The following SORD variants were observed in gnomAD, a reference collection of about 807,000 sequenced individuals.
SORD encodes sorbitol dehydrogenase, also known as (R,R)-butanediol dehydrogenase.
SORD carries 18 observed loss-of-function variants against 35.6 expected under a neutral mutation model. That is an observed-to-expected ratio of 0.51 (90% CI 0.35 to 0.75). SORD has a LOEUF of 0.75. Ranked by LOEUF, SORD falls within the 30% of genes least tolerant of loss-of-function variation. The probability of loss-of-function intolerance (pLI) is 0.01; values close to 1 mark genes in which losing one functional copy is unlikely to be tolerated. For missense variants in SORD, 250 were observed against 390.2 expected, an observed-to-expected ratio of 0.64 and a Z score of 3.03; for synonymous variants, 106 against 152.9, an observed-to-expected ratio of 0.69 and a Z score of 2.26.
Position 45,065,335 on chromosome 15 carries a change from G to A in SORD, c.490G>A (p.Ala164Thr). ...LIEPLSVGIHACRRGGVTLGH... is the reference protein window; with the variant it reads ...LIEPLSVGIHTCRRGGVTLGH... ...CGAGCCACTTTCTGTGGGGATCCAT[G>A]CCTGCAGGAGAGGCGGAGTTACCCT... is the stretch of plus-strand genomic sequence containing the variant. Residue 164 changes from alanine to threonine, a missense_variant, in exon 5 of 9, where the codon GCC becomes ACC. Transcript: ENST00000267814. 8 of 1,613,938 alleles carry A rather than the reference G, an allele frequency of 5.0e-6. No homozygotes were observed. The highest frequency in any genetic ancestry group is 5.9e-6 in the Non-Finnish European group (7 of 1,179,862).
chr15:45,055,413 A>G (rs910140343), intron 3 of SORD, among the ~76,000 whole-genome samples: 1 of 152,218 alleles, frequency 6.6e-6, no homozygotes, highest in African/African-American at 2.4e-5. Flanking sequence ...ATTCCTCGAC[A>G]CATACACTCT....
chr15:45,034,312 A>G (rs1407970745), intron 1 of SORD, among the ~76,000 whole-genome samples: 18 of 152,126 alleles, frequency 1.2e-4, no homozygotes, highest in African/African-American at 4.3e-4. Flanking sequence ...ATCTGAGTTC[A>G]CTGTGCCACT....
chr15:45,036,409 C>T (rs745884409), intron 1 of SORD: 11 of 453,526 alleles, frequency 2.4e-5, no homozygotes, highest in African/African-American at 4.0e-5. Context: ...ATAAGAAATT[C>T]GGCCAGGCAC....
rs371552548 is a variant in SORD, at chr15:45,073,377, G to A, written c.921G>A (p.Ala307=). Residue 307 remains alanine (A), a synonymous_variant, in exon 9 of 9, where the codon GCG becomes GCA. Transcript: ENST00000267814. Reference sequence around the variant, plus strand: ...TGCTCTTTTACAGGTGGCCAGTGGCGATTTCGATGCTTGCGTCCAAGTCTG... The same window carrying A: ...TGCTCTTTTACAGGTGGCCAGTGGCAATTTCGATGCTTGCGTCCAAGTCTG... The part of the protein sequence containing the change: ...VFRYCNTWPV[A]ISMLASKSVN... 15 of 1,446,100 alleles carry A rather than the reference G, an allele frequency of 1.0e-5. No individual in the cohort carries two copies. Among genetic ancestry groups the A allele is most frequent in the South Asian group, 4.0e-5 (3 of 75,628 alleles). The allele number at this position is 1,446,100 out of a possible 1,614,324, so 89.6% of individuals were successfully genotyped here. A position where few individuals can be genotyped will look rare whatever the true frequency, so the allele number is the denominator to read the frequency against.
intron 5 of SORD, among the ~76,000 whole-genome samples, chr15:45,066,719 GT>G (rs1446075167): frequency 6.6e-6 from 1 of 152,170 alleles, no homozygotes; most frequent in Non-Finnish European, 1.5e-5. Flanking sequence ...CCTCATACTT[GT>G]TTGTGATTTT....
chr15:45,070,973 G>A (rs898006495), intron 7 of SORD, among the ~76,000 whole-genome samples: 37 of 152,338 alleles, frequency 2.4e-4, no homozygotes, highest in Admixed American at 1.2e-3. Flanking sequence ...CTGACGTCAC[G>A]CATGACGGGT....
At chr15:45,053,449 A>G (rs1893160914) in intron 3 of SORD, among the ~76,000 whole-genome samples, 1 of 152,184 alleles carries the variant, frequency 6.6e-6, no homozygotes, top group East Asian at 1.9e-4. Context: ...GACATCAGAT[A>G]CCTAAGGAGA....
chr15:45,035,632 C>T (rs1054001516), intron 1 of SORD, among the ~76,000 whole-genome samples: 3 of 152,176 alleles, frequency 2.0e-5, no homozygotes, highest in Non-Finnish European at 4.4e-5. Context: ...TCGCTGGGGT[C>T]CCCTTCCACA....
Position 45,068,421 on chromosome 15 carries a change from C to CAG in SORD, c.610+188_610+189dup, listed in dbSNP as rs908543618. Among the ~76,000 whole-genome samples, 73 of 148,938 alleles carry CAG rather than the reference C, an allele frequency of 4.9e-4. No homozygotes were observed. The East Asian group carries it at 0.012, about 25-fold the overall frequency. On this transcript the variant is annotated intron_variant, in intron 6 of 8. Transcript: ENST00000267814. Reference sequence around the variant, plus strand: ...TGTGTTTTGTGTTAGGAGAAGCTATCAGAGAGAGAGAGAGTTTGTGTGAGA... The same window carrying CAG: ...TGTGTTTTGTGTTAGGAGAAGCTATCAGAGAGAGAGAGAGAGTTTGTGTGAGA...
intron 3 of SORD, among the ~76,000 whole-genome samples, chr15:45,045,780 A>G (rs1311524995): frequency 6.6e-6 from 1 of 152,054 alleles, no homozygotes; most frequent in Non-Finnish European, 1.5e-5. Context: ...GAGGCAGAAA[A>G]ATTGCTTGAG....
At chr15:45,070,595 C>G (rs2141128317) in intron 7 of SORD, 1 of 152,214 alleles carries the variant, frequency 6.6e-6, no homozygotes, top group South Asian at 2.1e-4. Flanking sequence ...TGGGAAGGGG[C>G]AAAAAGAAGC....
chr15:45,045,758 C>G (rs554064623), intron 3 of SORD, among the ~76,000 whole-genome samples: 50 of 152,010 alleles, frequency 3.3e-4, no homozygotes, highest in African/African-American at 1.1e-3. Flanking sequence ...AATCTCAGCA[C>G]TTTGGGAGGC....
chr15:45,026,774 G>A (rs1038581606), intron 1 of SORD, among the ~76,000 whole-genome samples: 3 of 152,230 alleles, frequency 2.0e-5, no homozygotes, highest in South Asian at 2.1e-4. Flanking sequence ...TCTGAAGCAG[G>A]AAGCAATGTC....
At chr15:45,024,418 G>T (rs1043457606) in intron 1 of SORD, among the ~76,000 whole-genome samples, 1 of 152,122 alleles carries the variant, frequency 6.6e-6, no homozygotes, top group Non-Finnish European at 1.5e-5. Context: ...CCTTTAAGCC[G>T]CTCTAAGCCC....
intron 5 of SORD, among the ~76,000 whole-genome samples, chr15:45,067,107 A>C (rs1210391382): frequency 6.6e-6 from 1 of 152,168 alleles, no homozygotes; most frequent in African/African-American, 2.4e-5. Context: ...CATGCCTGTA[A>C]TCCTAGCACT....
chr15:45,071,138 C>T (rs981223791), intron 7 of SORD, among the ~76,000 whole-genome samples: 2 of 152,160 alleles, frequency 1.3e-5, no homozygotes, highest in Admixed American at 1.3e-4. Flanking sequence ...GATGTCATAT[C>T]CTTGGTGCAG....
At position 45,068,073 on chromosome 15, in the gene SORD, T is replaced by C; in HGVS notation, c.545-108T>C. On this transcript the variant is annotated intron_variant, in intron 5 of 8. Coordinates refer to ENST00000267814, the MANE Select transcript of SORD (RefSeq NM_003104.6). ...GGTCTTATCATGCCAGGCACTGGGA[T>C]AGATGCTAGAGACACACAAAAGATA... 3.6e-6 allele frequency: 3 copies of C among 823,956 alleles called. No individual in the cohort carries two copies. In the South Asian group the frequency reaches 4.1e-5, roughly 11 times the overall value. 51.0% of individuals were successfully genotyped at this position (823,956 alleles called of 1,614,324 possible).
chr15:45,051,722 CA>C (rs1893126957), intron 3 of SORD, among the ~76,000 whole-genome samples: 1 of 152,132 alleles, frequency 6.6e-6, no homozygotes, highest in Non-Finnish European at 1.5e-5. Context: ...ATGTCAACCC[CA>C]ACTTTTTTAA....
intron 4 of SORD, among the ~76,000 whole-genome samples, chr15:45,063,652 C>A (rs978064814): frequency 5.9e-5 from 9 of 152,190 alleles, no homozygotes; most frequent in African/African-American, 2.2e-4. Context: ...TCATCACCTT[C>A]CCCAATCCCA....
Sources: allele counts gnomAD v4.1 joint callset (sites outside exome capture counted in the v4.1 genomes callset), GRCh38; gene constraint gnomAD v4.1.1; transcripts MANE v1.5; gene names NCBI Gene and HGNC (gene_info 2026-07-23, HGNC 2026-07-21).